The following STAB2 variants were observed in gnomAD, a reference collection of about 807,000 sequenced individuals.
The protein encoded by STAB2 is stabilin-2.
Under a neutral mutation model 338.1 loss-of-function variants are expected in STAB2, and 288 were observed. That is an observed-to-expected ratio of 0.85 (90% confidence interval 0.77 to 0.94). The LOEUF is 0.94. Among genes scored for constraint, STAB2 ranks in the 40% least tolerant of loss-of-function variants. STAB2 has a pLI of 0.00. For synonymous variants in STAB2, 1,202 were observed against 1,193.3 expected (o/e 1.01, Z -0.15); for missense variants, 3,141 against 3,210.1 (o/e 0.98, Z 0.52).
intron 32 of STAB2, 25 bp downstream of exon 32, chr12:103,695,673 C>G: frequency 6.2e-7 from 1 of 1,613,802 alleles, no homozygotes; most frequent in Non-Finnish European, 8.5e-7. Flanking sequence ...CTCTGCCTGA[C>G]CACCATGCTC....
At chr12:103,749,406 T>C (rs1407987462) in intron 59 of STAB2, among the ~76,000 whole-genome samples, 1 of 152,208 alleles carries the variant, frequency 6.6e-6, no homozygotes, top group African/African-American at 2.4e-5. Flanking sequence ...CCAACATTAA[T>C]TTCTTAGCTC....
In STAB2 at chr12:103,733,039, A is replaced by G. The variant is rs1881761237; in HGVS notation, c.5317A>G (p.Ile1773Val). ...SGLLSVITDP[I>V]HTPVTLFWPT... ...TTTGCTGAGTGTCATCACCGATCCC[A>G]TCCACACCCCAGTCACTCTCTTCTG... is the stretch of plus-strand genomic sequence containing the variant. The change falls in exon 51 of 69, where the codon ATC (isoleucine) becomes GTC (valine). Residue 1773 changes from isoleucine to valine, a missense_variant. By Grantham distance (29) the Ile-to-Val change is conservative. Coordinates refer to ENST00000388887, the MANE Select transcript of STAB2 (RefSeq NM_017564.10). 6.2e-7 allele frequency: 1 copy of G among 1,613,872 alleles called. No homozygotes were observed. Among genetic ancestry groups the G allele is most frequent in the Non-Finnish European group, 8.5e-7 (1 of 1,179,972 alleles).
At chr12:103,610,027 G>A (rs1957096851) in intron 3 of STAB2, among the ~76,000 whole-genome samples, 2 of 152,196 alleles carry the variant, frequency 1.3e-5, no homozygotes, top group South Asian at 2.1e-4. Flanking sequence ...TTGCATCCCA[G>A]GGATGAAGCC....
intron 34 of STAB2, among the ~76,000 whole-genome samples, chr12:103,701,359 G>T (rs771068340): frequency 6.6e-6 from 1 of 152,118 alleles, no homozygotes; most frequent in Non-Finnish European, 1.5e-5. Context: ...AGTCCTTTGG[G>T]TATATACCCA....
intron 25 of STAB2, among the ~76,000 whole-genome samples, chr12:103,679,489 G>A (rs1876702025): frequency 6.6e-6 from 1 of 152,136 alleles, no homozygotes; most frequent in Non-Finnish European, 1.5e-5. Context: ...GAAAACTGGT[G>A]GGAGATAGAA....
At chr12:103,678,526 C>G (rs1272622735) in intron 25 of STAB2, among the ~76,000 whole-genome samples, 1 of 152,126 alleles carries the variant, frequency 6.6e-6, no homozygotes, top group Non-Finnish European at 1.5e-5. Flanking sequence ...AAATGGAGAT[C>G]TGCCCTATTT....
Position 103,742,304 on chromosome 12 carries a change from T to G in STAB2, c.5882-101T>G. The stretch of plus-strand genomic sequence containing the variant: ...CACTGACACTGAAGGCGATGGTCCC[T>G]CTGGGCTAACAGAAGTCAGATGCCA... On this transcript the variant is annotated intron_variant, in intron 55 of 68. Transcript: ENST00000388887. 3 of 1,502,206 alleles carry G rather than the reference T, an allele frequency of 2.0e-6. No homozygotes were observed. The South Asian group carries it at 3.9e-5, about 19-fold the overall frequency. The allele number at this position is 1,502,206 out of a possible 1,614,324, so 93.1% of individuals were successfully genotyped here. A position where few individuals can be genotyped will look rare whatever the true frequency, so the allele number is the denominator to read the frequency against.
intron 44 of STAB2, among the ~76,000 whole-genome samples, chr12:103,718,597 A>G (rs1880518186): frequency 6.6e-6 from 1 of 152,202 alleles, no homozygotes; most frequent in South Asian, 2.1e-4. Context: ...TGTTCTGTGT[A>G]AGTCCAAGCA....
intron 11 of STAB2, among the ~76,000 whole-genome samples, chr12:103,651,888 C>T (rs547252901): frequency 5.3e-4 from 80 of 152,300 alleles, no homozygotes; most frequent in Admixed American, 1.3e-3. Context: ...TATACCACCA[C>T]GATTAACCTG....
At chr12:103,598,306 T>A (rs1392694540) in intron 3 of STAB2, among the ~76,000 whole-genome samples, 1 of 152,220 alleles carries the variant, frequency 6.6e-6, no homozygotes, top group Non-Finnish European at 1.5e-5. Context: ...AAGTCCCTGG[T>A]CTCTTGTGGG....
chr12:103,637,236 C>T lies in STAB2; in HGVS notation c.709C>T (p.Pro237Ser), dbSNP rs112091107. 1.4e-4 allele frequency: 226 copies of T among 1,608,870 alleles called. No individual in the cohort carries two copies. The highest frequency in any genetic ancestry group is 7.4e-4 in the African/African-American group (55 of 74,644). ...CCGAGGCGATGGCAAATACTGCGAC[C>T]GTGAGTAGAATTTAGATTCTGCTAG... ...NYRGDGKYCD[P>S]INPCLRKICH... Residue 237 changes from proline to serine, a missense_variant and splice_region_variant, in exon 7 of 69, where the codon CCC becomes TCC. Pro to Ser is a moderately conservative substitution (Grantham distance 74). Transcript: ENST00000388887.
chr12:103,759,262 C>T lies in STAB2; in HGVS notation c.7237C>T (p.Pro2413Ser), dbSNP rs1475030563. The change falls in exon 65 of 69, where the codon CCA (proline) becomes TCA (serine). Residue 2413 changes from proline to serine, a missense_variant. Pro to Ser is a moderately conservative substitution (Grantham distance 74). Coordinates refer to ENST00000388887, the MANE Select transcript of STAB2 (RefSeq NM_017564.10). Reference protein sequence around the residue: ...SKLLITASQDPLQPTETRFVD... With the variant: ...SKLLITASQDSLQPTETRFVD... The stretch of plus-strand genomic sequence containing the variant: ...GCTGCTCATCACTGCCAGCCAGGAC[C>T]CACTCCAACCGGTACAAAGTCTTCT... 5.0e-6 allele frequency: 8 copies of T among 1,613,960 alleles called. No individual in the cohort carries two copies. Among genetic ancestry groups the T allele is most frequent in the African/African-American group, 1.3e-5 (1 of 74,912 alleles).
chr12:103,669,803 GGAGA>G (rs1168649348), intron 21 of STAB2, among the ~76,000 whole-genome samples, 176 bp downstream of exon 21: 2 of 152,194 alleles, frequency 1.3e-5, no homozygotes, highest in African/African-American at 4.8e-5. Context: ...ATGGGGGATG[GGAGA>G]GAGAGATTCC....
intron 22 of STAB2, 53 bp downstream of exon 22, chr12:103,670,860 TGCTG>T: frequency 6.7e-7 from 1 of 1,487,170 alleles, no homozygotes; most frequent in Non-Finnish European, 9.3e-7. Flanking sequence ...TTCCCTCTCG[TGCTG>T]CAGCAGGGTG....
At chr12:103,692,396 A>G (rs957728989) in intron 30 of STAB2, among the ~76,000 whole-genome samples, 8 of 151,934 alleles carry the variant, frequency 5.3e-5, no homozygotes, top group Non-Finnish European at 7.4e-5. Context: ...TTGTGGGGGC[A>G]GGGGGGGACA....
At chr12:103,650,991 T>G (rs1439440558) in intron 11 of STAB2, among the ~76,000 whole-genome samples, 1 of 152,178 alleles carries the variant, frequency 6.6e-6, no homozygotes, top group Non-Finnish European at 1.5e-5. Flanking sequence ...GATATGTGGG[T>G]TTTTTAAATC....
In STAB2 at chr12:103,652,641, T is replaced by C. The variant is rs998236061; in HGVS notation, c.1343T>C (p.Met448Thr). The C allele has an allele frequency of 6.2e-7, 1 of 1,609,740 alleles. No homozygotes were observed. The highest frequency in any genetic ancestry group is 1.3e-5 in the African/African-American group (1 of 74,874). ...GCTGGTCAGATGAACATCGAATATA[T>C]GAATAACACAGACATGTTCTACACC... ...IIAGQMNIEY[M>T]NNTDMFYTLT... The change falls in exon 12 of 69, where the codon ATG becomes ACG. Residue 448 changes from methionine to threonine, a missense_variant. Transcript: ENST00000388887.
intron 23 of STAB2, among the ~76,000 whole-genome samples, chr12:103,674,435 C>T (rs753631300): frequency 4.6e-5 from 7 of 152,098 alleles, no homozygotes; most frequent in African/African-American, 7.2e-5. Context: ...CACCTAGCAC[C>T]GGGGCTAGCA....
Position 103,650,562 on chromosome 12 carries a change from G to A in STAB2, c.1241G>A (p.Gly414Glu). The change falls in exon 11 of 69, where the codon GGA becomes GAA. Residue 414 changes from glycine (G) to glutamate (E), a missense_variant. Physicochemically the swap from Gly to Glu is moderately conservative, Grantham distance 98 (BLOSUM62 -2). Coordinates refer to ENST00000388887, the MANE Select transcript of STAB2 (RefSeq NM_017564.10). The part of the protein sequence containing the change: ...PFTVLLPTDK[G>E]LKGFNVNELL... ...ACGGTGCTGTTACCTACAGACAAGGGACTGAAAGGATTCAATGTGAGTATT... is the reference window on the plus strand; with the variant it reads ...ACGGTGCTGTTACCTACAGACAAGGAACTGAAAGGATTCAATGTGAGTATT... 2 of 1,612,982 alleles carry A rather than the reference G, an allele frequency of 1.2e-6. No individual in the cohort carries two copies. Among genetic ancestry groups the A allele is most frequent in the Non-Finnish European group, 1.7e-6 (2 of 1,179,146 alleles).
Sources: gnomAD v4.1 joint callset for allele counts (sites outside exome capture counted in the v4.1 genomes callset) on GRCh38, gnomAD v4.1.1 for gene constraint, MANE v1.5 for transcripts, NCBI Gene and HGNC (gene_info 2026-07-23, HGNC 2026-07-21) for gene names.